ZNF532: variants seen among roughly 807,000 people sequenced by gnomAD.
ZNF532 encodes zinc finger protein 532.
In ZNF532, 22 loss-of-function variants were observed where a neutral mutation model predicts 89.3. The observed-to-expected ratio is 0.25, with a 90% confidence interval of 0.18 to 0.35. The LOEUF (loss-of-function observed/expected upper bound fraction) is 0.35, where lower values mean the gene tolerates loss of function less well. ZNF532 is among the 10% of genes least tolerant of loss of function. The pLI is 1.00. For synonymous variants in ZNF532, 606 were observed against 649.6 expected, an observed-to-expected ratio of 0.93 and a Z score of 1.02; for missense variants, 1,132 against 1,643.4, an observed-to-expected ratio of 0.69 and a Z score of 5.38.
At chr18:58,961,588 A>G (rs1302590459) in intron 7 of ZNF532, among the ~76,000 whole-genome samples, 1 of 151,944 alleles carries the variant, frequency 6.6e-6, no homozygotes, top group African/African-American at 2.4e-5. Context: ...TGTACCGCAA[A>G]GGGGAGGGAA....
In ZNF532 at chr18:58,977,336, G is replaced by A. The variant is rs529310723; in HGVS notation, c.3151-1719G>A. Among the ~76,000 whole-genome samples, 54 of 152,202 alleles carry A rather than the reference G, an allele frequency of 3.5e-4. 1 individual carries two copies. The highest frequency in any genetic ancestry group is 8.2e-4 in the African/African-American group (34 of 41,536). On this transcript the variant is annotated intron_variant, in intron 7 of 9. Transcript: ENST00000591808. ...TTAATCATCCCCGTGTTCTCGAAGCGTCCTGGGAGGCAGGCACTGTTGCAA... is the reference window on the plus strand; with the variant it reads ...TTAATCATCCCCGTGTTCTCGAAGCATCCTGGGAGGCAGGCACTGTTGCAA...
At chr18:58,939,925 G>C (rs557644733) in intron 5 of ZNF532, 1 of 189,060 alleles carries the variant, frequency 5.3e-6, no homozygotes, top group East Asian at 1.4e-4. Flanking sequence ...CAAGAGTCTC[G>C]CTCTGTCGCC....
intron 7 of ZNF532, among the ~76,000 whole-genome samples, chr18:58,973,103 A>G (rs113871230): frequency 4.6e-5 from 7 of 152,276 alleles, no homozygotes; most frequent in Non-Finnish European, 7.4e-5. Context: ...ATTGAAATAT[A>G]TATCTGTTTT....
At chr18:58,976,393 A>ATTTCTTCTTGTG (rs1439454216) in intron 7 of ZNF532, among the ~76,000 whole-genome samples, 581 of 152,346 alleles carry the variant, frequency 3.8e-3, no homozygotes, top group African/African-American at 0.013. Context: ...ACAAGAAGAA[A>ATTTCTTCTTGTG]TAGAATATTA....
intron 2 of ZNF532, among the ~76,000 whole-genome samples, chr18:58,909,201 C>T (rs1016286717): frequency 3.3e-5 from 5 of 152,206 alleles, no homozygotes; most frequent in Non-Finnish European, 7.3e-5. Flanking sequence ...GATCCGCCCA[C>T]CTCAGCCTCC....
chr18:58,888,754 TAA>T (rs1284367251), intron 2 of ZNF532, among the ~76,000 whole-genome samples: 63 of 44,160 alleles, frequency 1.4e-3, no homozygotes, highest in African/African-American at 5.2e-3. Context: ...TATATATATA[TAA>T]AATTAATATA....
intron 8 of ZNF532, 77 bp downstream of exon 8, chr18:58,979,244 T>A: frequency 9.7e-7 from 1 of 1,035,414 alleles, no homozygotes; most frequent in Non-Finnish European, 1.5e-6. Context: ...GTAGTACCAT[T>A]AACTTGCTGT....
intron 7 of ZNF532, among the ~76,000 whole-genome samples, chr18:58,963,498 A>C (rs1366822897): frequency 6.6e-6 from 1 of 152,136 alleles, no homozygotes; most frequent in Admixed American, 6.5e-5. Context: ...AAGAATGGCA[A>C]GGCAATCAGC....
At chr18:58,888,840 T>TTTATATATATATAATATATA (rs2058621325) in intron 2 of ZNF532, among the ~76,000 whole-genome samples, 1 of 35,794 alleles carries the variant, frequency 2.8e-5, no homozygotes, top group Non-Finnish European at 4.4e-5. Context: ...ATATATATAA[T>TTTATATATATATAATATATA]TTATATATAT....
chr18:58,920,736 GTGT>G, intron 3 of ZNF532, 103 bp downstream of exon 3: 1 of 1,290 alleles, frequency 7.8e-4, no homozygotes. Context: ...TGAAATGGAC[GTGT>G]GTGTGTGTGT....
chr18:58,870,364 G>T (rs2056879307), intron 2 of ZNF532, among the ~76,000 whole-genome samples: 1 of 152,160 alleles, frequency 6.6e-6, no homozygotes, highest in Non-Finnish European at 1.5e-5. Flanking sequence ...GTCCACAGAG[G>T]AGCTGTGAAA....
intron 2 of ZNF532, among the ~76,000 whole-genome samples, chr18:58,899,091 C>T (rs1446772487): frequency 1.3e-5 from 2 of 152,244 alleles, no homozygotes; most frequent in African/African-American, 4.8e-5. Flanking sequence ...TTCACAGCGG[C>T]AAGCCTCTTA....
rs200298951 is a variant in ZNF532 at position 58,964,535 on chromosome 18, TTGTGTGTGTGTG to T, written c.3150+10770_3150+10781del. Among the ~76,000 whole-genome samples the T allele has an allele frequency of 3.3e-3, 454 of 138,630 alleles. 4 individuals are homozygous for T. The highest frequency in any genetic ancestry group is 8.6e-3 in the African/African-American group (325 of 37,580). 90.9% of individuals were successfully genotyped at this position (138,630 alleles called of 152,430 possible). ...TTGGCCACTGGAATTGATATTTTGTTTGTGTGTGTGTGTGTGTGTGTGTGTGTGTGTGTGTGT... is the reference window on the plus strand; with the variant it reads ...TTGGCCACTGGAATTGATATTTTGTTTGTGTGTGTGTGTGTGTGTGTGTGT... On this transcript the variant is annotated intron_variant, in intron 7 of 9. Transcript: ENST00000591808.
chr18:58,909,573 A>G (rs1299083701), intron 2 of ZNF532, among the ~76,000 whole-genome samples: 1 of 152,194 alleles, frequency 6.6e-6, no homozygotes, highest in Admixed American at 6.5e-5. Context: ...GAGTCAGGAA[A>G]AGCCAGGTGA....
intron 2 of ZNF532, among the ~76,000 whole-genome samples, chr18:58,886,265 G>A (rs2058297872): frequency 6.6e-6 from 1 of 152,216 alleles, no homozygotes; most frequent in Non-Finnish European, 1.5e-5. Context: ...ACAGGCGTGA[G>A]CCACTGCACC....
chr18:58,966,786 T>C (rs868128318), intron 7 of ZNF532, among the ~76,000 whole-genome samples: 1 of 150,290 alleles, frequency 6.7e-6, no homozygotes, highest in South Asian at 2.1e-4. Context: ...GAAGATATGC[T>C]CTTTACTGTG....
chr18:58,882,556 C>T (rs2058009457), intron 2 of ZNF532, among the ~76,000 whole-genome samples: 1 of 152,230 alleles, frequency 6.6e-6, no homozygotes, highest in African/African-American at 2.4e-5. Context: ...ATCCTCCTGT[C>T]TCAACCTCCC....
chr18:58,900,048 T>A (rs986507223), intron 2 of ZNF532, among the ~76,000 whole-genome samples: 21 of 152,212 alleles, frequency 1.4e-4, no homozygotes, highest in Non-Finnish European at 2.5e-4. Context: ...GTCCTCTTTA[T>A]TTTTGATTTT....
chr18:58,921,013 C>T (rs2061031333), intron 3 of ZNF532, among the ~76,000 whole-genome samples: 1 of 151,590 alleles, frequency 6.6e-6, no homozygotes, highest in East Asian at 1.9e-4. Flanking sequence ...TTGCTTGAGC[C>T]CAGGAGTTTG....
Sources: allele counts gnomAD v4.1 joint callset (sites outside exome capture counted in the v4.1 genomes callset), GRCh38; gene constraint gnomAD v4.1.1; transcripts MANE v1.5; gene names NCBI Gene and HGNC (gene_info 2026-07-23, HGNC 2026-07-21).